ZBTB7C: variants seen among roughly 807,000 people sequenced by gnomAD.
ZBTB7C encodes zinc finger and BTB domain-containing protein 7C.
Under a neutral mutation model 25.7 loss-of-function variants are expected in ZBTB7C, and 8 were observed. That is an observed-to-expected ratio of 0.31 (90% CI 0.18 to 0.56). The LOEUF (loss-of-function observed/expected upper bound fraction) is 0.56. ZBTB7C is among the 20% of genes least tolerant of loss of function. The pLI is 0.91. For missense variants in ZBTB7C, 824 were observed against 855.2 expected (o/e 0.96, Z 0.46); for synonymous variants, 394 against 369.0 (o/e 1.07, Z -0.78).
At chr18:48,155,617 G>A (rs1195829460) in intron 3 of ZBTB7C, among the ~76,000 whole-genome samples, 1 of 152,004 alleles carries the variant, frequency 6.6e-6, no homozygotes, top group African/African-American at 2.4e-5. Context: ...TTACAGGCGT[G>A]AGCCACCGCG....
intron 2 of ZBTB7C, among the ~76,000 whole-genome samples, chr18:48,289,978 G>C (rs2045173915): frequency 6.6e-6 from 1 of 152,172 alleles, no homozygotes; most frequent in Admixed American, 6.5e-5. Context: ...ATATGGATAG[G>C]TGCTTTAAGT....
intron 2 of ZBTB7C, among the ~76,000 whole-genome samples, chr18:48,301,221 G>A (rs192525925): frequency 1.8e-4 from 28 of 152,340 alleles, no homozygotes; most frequent in Non-Finnish European, 2.2e-4. Context: ...GGCATGGTCT[G>A]TAATCCCAGC....
chr18:48,304,215 G>T (rs1241098819), intron 2 of ZBTB7C, among the ~76,000 whole-genome samples: 1 of 152,196 alleles, frequency 6.6e-6, no homozygotes, highest in Admixed American at 6.5e-5. Context: ...TTTATGAGGG[G>T]TACCTTGCAC....
At chr18:48,231,034 G>A (rs2043238081) in intron 2 of ZBTB7C, among the ~76,000 whole-genome samples, 1 of 152,198 alleles carries the variant, frequency 6.6e-6, no homozygotes, top group Non-Finnish European at 1.5e-5. Context: ...GAGAACGGGA[G>A]GGAGTCTGAA....
intron 3 of ZBTB7C, among the ~76,000 whole-genome samples, chr18:48,048,470 T>G (rs2036558645): frequency 6.6e-6 from 1 of 152,226 alleles, no homozygotes; most frequent in African/African-American, 2.4e-5. Context: ...CGCTCTCAGA[T>G]AGCCTGGGCT....
intron 3 of ZBTB7C, among the ~76,000 whole-genome samples, chr18:48,088,907 C>A (rs1261954613): frequency 1.3e-5 from 2 of 151,912 alleles, no homozygotes; most frequent in Non-Finnish European, 2.9e-5. Context: ...AATTAGGGAG[C>A]TTCCTCAATG....
At chr18:48,057,818 G>T (rs111625722) in intron 3 of ZBTB7C, among the ~76,000 whole-genome samples, 94 of 152,272 alleles carry the variant, frequency 6.2e-4, no homozygotes, top group African/African-American at 1.9e-3. Context: ...TATCTCATGG[G>T]TGGCTGTGAG....
At chr18:48,090,830 T>G (rs2144549750) in intron 3 of ZBTB7C, among the ~76,000 whole-genome samples, 1 of 152,324 alleles carries the variant, frequency 6.6e-6, no homozygotes. Context: ...TCCAACCCCT[T>G]GTCAGATGAC....
At chr18:48,266,762 G>C (rs2044325700) in intron 2 of ZBTB7C, among the ~76,000 whole-genome samples, 1 of 151,850 alleles carries the variant, frequency 6.6e-6, no homozygotes, top group Non-Finnish European at 1.5e-5. Context: ...TTTATTACAA[G>C]TTACTTTCCT....
At chr18:48,331,919 A>G (rs1328621849) in intron 2 of ZBTB7C, among the ~76,000 whole-genome samples, 1 of 152,188 alleles carries the variant, frequency 6.6e-6, no homozygotes, top group East Asian at 1.9e-4. Flanking sequence ...GTTGTTCACT[A>G]AAATCTTTTA....
intron 3 of ZBTB7C, among the ~76,000 whole-genome samples, chr18:48,145,449 G>C (rs879427903): frequency 6.6e-5 from 10 of 152,136 alleles, no homozygotes; most frequent in Non-Finnish European, 1.5e-4. Context: ...CCCTGATTGC[G>C]GGTCTCAAGG....
At chr18:48,259,333 G>C (rs1372873490) in intron 2 of ZBTB7C, among the ~76,000 whole-genome samples, 1 of 130,758 alleles carries the variant, frequency 7.6e-6, no homozygotes, top group African/African-American at 3.4e-5. Flanking sequence ...ATGAAACAAT[G>C]AGATATTCTT....
chr18:48,174,351 C>T (rs950646733), intron 3 of ZBTB7C, among the ~76,000 whole-genome samples: 2 of 152,186 alleles, frequency 1.3e-5, no homozygotes, highest in African/African-American at 4.8e-5. Context: ...TTTTCAACTT[C>T]ACTCATAATA....
chr18:48,328,503 C>T (rs897751439), intron 2 of ZBTB7C, among the ~76,000 whole-genome samples: 5 of 152,192 alleles, frequency 3.3e-5, no homozygotes, highest in Non-Finnish European at 7.3e-5. Flanking sequence ...TTCAAATTTA[C>T]TGCATATCTA....
chr18:48,216,147 G>C (rs2042818341), intron 2 of ZBTB7C, among the ~76,000 whole-genome samples: 1 of 152,196 alleles, frequency 6.6e-6, no homozygotes, highest in African/African-American at 2.4e-5. Context: ...CAGTCAGTGG[G>C]GGACTTAGAA....
intron 3 of ZBTB7C, among the ~76,000 whole-genome samples, chr18:48,136,721 A>G (rs2040178144): frequency 6.6e-6 from 1 of 151,968 alleles, no homozygotes; most frequent in Non-Finnish European, 1.5e-5. Context: ...AGAGTTCCAG[A>G]TCCTCTCTCC....
intron 3 of ZBTB7C, among the ~76,000 whole-genome samples, chr18:48,176,088 C>G (rs1052394848): frequency 6.6e-6 from 1 of 152,092 alleles, no homozygotes; most frequent in Non-Finnish European, 1.5e-5. Context: ...AAAAAATCAT[C>G]CTATAATGGA....
At chr18:48,190,227 A>G (rs1032146791) in intron 2 of ZBTB7C, among the ~76,000 whole-genome samples, 33 of 152,372 alleles carry the variant, frequency 2.2e-4, no homozygotes, top group African/African-American at 7.7e-4. Flanking sequence ...AGGAGCAAGA[A>G]GAAGACTAAG....
chr18:48,093,575 T>C (rs2038500369), intron 3 of ZBTB7C, among the ~76,000 whole-genome samples: 1 of 151,916 alleles, frequency 6.6e-6, no homozygotes, highest in African/African-American at 2.4e-5. Context: ...AGTGACTGCC[T>C]ATTCTAAGCC....
Sources: gnomAD v4.1 joint callset for allele counts (sites outside exome capture counted in the v4.1 genomes callset) on GRCh38, gnomAD v4.1.1 for gene constraint, MANE v1.5 for transcripts, NCBI Gene and HGNC (gene_info 2026-07-23, HGNC 2026-07-21) for gene names.